The following TAOK1 variants were observed in gnomAD, a reference collection of about 807,000 sequenced individuals.
The protein encoded by TAOK1 is serine/threonine-protein kinase TAO1.
A neutral mutation model predicts 138.3 loss-of-function variants in TAOK1; 21 were observed. The ratio of observed to expected loss-of-function variants is 0.15; its 90% CI spans 0.11 to 0.22. TAOK1 has a LOEUF of 0.22. TAOK1 is among the 10% of genes least tolerant of loss of function. The pLI is 1.00. For missense variants in TAOK1, 651 were observed against 1,227.7 expected (o/e 0.53, Z 7.02); for synonymous variants, 361 against 398.4 (o/e 0.91, Z 1.12).
chr17:29,483,325 G>A, intron 8 of TAOK1, among the ~76,000 whole-genome samples: 1 of 152,000 alleles, frequency 6.6e-6, no homozygotes, highest in East Asian at 1.9e-4. Flanking sequence ...CTATCCTCCT[G>A]CCTCAGCCTC....
At chr17:29,501,878 A>G (rs926590744) in intron 12 of TAOK1, among the ~76,000 whole-genome samples, 4 of 151,590 alleles carry the variant, frequency 2.6e-5, no homozygotes, top group African/African-American at 9.8e-5. Flanking sequence ...CTCTACAAAA[A>G]ATACAAAAGT....
chr17:29,397,717 A>G (rs545253739), intron 1 of TAOK1, among the ~76,000 whole-genome samples: 45 of 106,472 alleles, frequency 4.2e-4, no homozygotes, highest in African/African-American at 2.1e-3. Context: ...ATGAATATAC[A>G]TGTATGTATA....
intron 6 of TAOK1, among the ~76,000 whole-genome samples, chr17:29,479,270 G>T (rs1181063223): frequency 6.6e-6 from 1 of 152,084 alleles, no homozygotes; most frequent in African/African-American, 2.4e-5. Flanking sequence ...TTTGGCACTG[G>T]TATTGGTTCT....
chr17:29,425,600 G>A (rs1279111662), intron 1 of TAOK1, among the ~76,000 whole-genome samples: 1 of 152,050 alleles, frequency 6.6e-6, no homozygotes, highest in Non-Finnish European at 1.5e-5. Context: ...GATGGCTTGA[G>A]CCTGGGAGAG....
chr17:29,411,182 T>G (rs539895595), intron 1 of TAOK1, among the ~76,000 whole-genome samples: 5,245 of 142,388 alleles, frequency 0.037, 336 homozygotes, highest in African/African-American at 0.13. Flanking sequence ...AGCTCCGCCT[T>G]CCGGGTTCAC....
chr17:29,489,602 G>A (rs2031253260), intron 8 of TAOK1, 62 bp from the exon 9 acceptor site: 7 of 1,014,232 alleles, frequency 6.9e-6, no homozygotes, highest in African/African-American at 3.4e-5. Context: ...AAGGAAAAAC[G>A]TGCCCAGGAC....
intron 6 of TAOK1, 83 bp downstream of exon 6, chr17:29,478,430 T>TTA (rs2030991325): frequency 1.0e-6 from 1 of 999,056 alleles, no homozygotes; most frequent in African/African-American, 1.7e-5. Flanking sequence ...TCTAAAGTTT[T>TTA]TATTGGTTAA....
intron 1 of TAOK1, among the ~76,000 whole-genome samples, chr17:29,416,601 T>A (rs540103940): frequency 6.6e-6 from 1 of 152,254 alleles, no homozygotes; most frequent in East Asian, 1.9e-4. Flanking sequence ...ACACATTGAG[T>A]GGCTTCTTTC....
At chr17:29,510,799 A>G in intron 14 of TAOK1, 65 bp from the exon 15 acceptor site, 1 of 1,125,990 alleles carries the variant, frequency 8.9e-7, no homozygotes, top group Non-Finnish European at 1.2e-6. Flanking sequence ...ATTCTTAATG[A>G]TGTATATTAA....
chr17:29,522,743 G>A (rs1172488665), intron 17 of TAOK1, among the ~76,000 whole-genome samples: 2 of 152,114 alleles, frequency 1.3e-5, no homozygotes, highest in Non-Finnish European at 2.9e-5. Flanking sequence ...TTTAACCATG[G>A]GAAGTGCCAG....
At position 29,545,822 on chromosome 17, in the gene TAOK1, AGTGTTG is replaced by A; in HGVS notation, c.*2806_*2811del. 2 of 152,252 alleles carry A rather than the reference AGTGTTG, an allele frequency of 1.3e-5. No homozygotes were observed. Among genetic ancestry groups the A allele is most frequent in the Middle Eastern group, 3.4e-3 (1 of 294 alleles). The allele number at this position is 152,252 out of a possible 1,614,324, so 9.4% of individuals were successfully genotyped here. Reference sequence around the variant, plus strand: ...ATCAAATTAACACTACCTCCTTCCCAGTGTTGGTGTTCACTCACTATATGTCTTTAA... The same window carrying A: ...ATCAAATTAACACTACCTCCTTCCCAGTGTTCACTCACTATATGTCTTTAA... On this transcript the variant is annotated 3_prime_UTR_variant, in exon 20 of 20. Coordinates refer to ENST00000261716, the MANE Select transcript of TAOK1 (RefSeq NM_020791.4).
intron 1 of TAOK1, among the ~76,000 whole-genome samples, chr17:29,402,849 C>T (rs1026697295): frequency 1.7e-4 from 25 of 151,388 alleles, no homozygotes; most frequent in Admixed American, 4.0e-4. Context: ...CCAGCCTGGC[C>T]AACATGCTGA....
At chr17:29,464,703 C>T (rs1440549251) in intron 2 of TAOK1, among the ~76,000 whole-genome samples, 1 of 152,110 alleles carries the variant, frequency 6.6e-6, no homozygotes, top group Non-Finnish European at 1.5e-5. Context: ...GCTAGATCTA[C>T]TTCACCCTTT....
At chr17:29,540,451 G>C (rs566672512) in intron 19 of TAOK1, among the ~76,000 whole-genome samples, 5 of 152,090 alleles carry the variant, frequency 3.3e-5, no homozygotes, top group African/African-American at 9.7e-5. Context: ...TGCAACCTTC[G>C]CCTCCCAAGT....
At chr17:29,455,290 G>T (rs540312012) in intron 2 of TAOK1, among the ~76,000 whole-genome samples, 4 of 150,610 alleles carry the variant, frequency 2.7e-5, no homozygotes, top group African/African-American at 1.0e-4. Flanking sequence ...GTTCATTGCT[G>T]ATGTATAGAA....
chr17:29,481,856 AGG>A (rs2031070583), intron 7 of TAOK1, among the ~76,000 whole-genome samples: 1 of 152,110 alleles, frequency 6.6e-6, no homozygotes, highest in Non-Finnish European at 1.5e-5. Context: ...GCTACTCGGG[AGG>A]CTGAGGCAGG....
chr17:29,489,881 G>C, intron 9 of TAOK1, 124 bp downstream of exon 9: 4 of 533,224 alleles, frequency 7.5e-6, no homozygotes, highest in Non-Finnish European at 1.2e-5. Flanking sequence ...TATTAAAATA[G>C]ATGTATTTTA....
chr17:29,455,271 T>C (rs1329964512), intron 2 of TAOK1, among the ~76,000 whole-genome samples: 1 of 150,440 alleles, frequency 6.6e-6, no homozygotes, highest in Admixed American at 6.6e-5. Flanking sequence ...CTTAATTCCG[T>C]GTGAAATTGT....
chr17:29,441,848 A>T (rs1465290387), intron 1 of TAOK1, among the ~76,000 whole-genome samples: 1 of 151,938 alleles, frequency 6.6e-6, no homozygotes, highest in African/African-American at 2.4e-5. Context: ...CAGTGTGCCA[A>T]GGTCGCCGCC....
Sources: allele counts gnomAD v4.1 joint callset (sites outside exome capture counted in the v4.1 genomes callset), GRCh38; gene constraint gnomAD v4.1.1; transcripts MANE v1.5; gene names NCBI Gene and HGNC (gene_info 2026-07-23, HGNC 2026-07-21).